The following AP3D1 variants were observed in gnomAD, a reference collection of about 807,000 sequenced individuals.
The protein encoded by AP3D1 is AP-3 complex subunit delta-1.
Under a neutral mutation model 147.6 loss-of-function variants are expected in AP3D1, and 51 were observed. That is an observed-to-expected ratio of 0.35 (90% CI 0.28 to 0.44). AP3D1 has a LOEUF of 0.44. AP3D1 is among the 20% of genes least tolerant of loss of function. The pLI is 1.00. For synonymous variants in AP3D1, 760 were observed against 663.0 expected (o/e 1.15, Z -2.25); for missense variants, 1,421 against 1,624.2 (o/e 0.87, Z 2.15).
At chr19:2,115,468 C>T (rs369801221) in intron 19 of AP3D1, 50 bp from the exon 20 acceptor site, 49 of 1,607,756 alleles carry the variant, frequency 3.0e-5, no homozygotes, top group African/African-American at 1.9e-4. Context: ...CAGGGGCTCA[C>T]GGGGAGGGCG....
chr19:2,164,015 C>T (rs1474412200), intron 1 of AP3D1: 8 of 254,742 alleles, frequency 3.1e-5, no homozygotes, highest in Admixed American at 6.0e-5. Flanking sequence ...AGTCGGGGGC[C>T]GGGCCGGACC....
chr19:2,114,890 G>A, intron 20 of AP3D1, 69 bp from the exon 21 acceptor site: 1 of 1,514,890 alleles, frequency 6.6e-7, no homozygotes, highest in Non-Finnish European at 9.2e-7. Context: ...CATCTATCTG[G>A]GACGCAGTGG....
chr19:2,142,650 G>A (rs1327150824), intron 1 of AP3D1, among the ~76,000 whole-genome samples: 4 of 152,206 alleles, frequency 2.6e-5, no homozygotes, highest in Admixed American at 6.5e-5. Context: ...GAGGGGAGCC[G>A]GGCCGCTGAG....
intron 4 of AP3D1, among the ~76,000 whole-genome samples, chr19:2,136,181 T>A (rs1387829510): frequency 6.6e-6 from 1 of 152,214 alleles, no homozygotes; most frequent in Non-Finnish European, 1.5e-5. Flanking sequence ...CTCTATAACC[T>A]TGCCCACAAC....
chr19:2,123,061 G>C (rs1441319955), intron 11 of AP3D1, among the ~76,000 whole-genome samples: 1 of 152,240 alleles, frequency 6.6e-6, no homozygotes, highest in African/African-American at 2.4e-5. Context: ...TCAGTGAGTG[G>C]CATCTGTCCA....
intron 31 of AP3D1, among the ~76,000 whole-genome samples, chr19:2,104,652 ACTCT>A (rs1326481390): frequency 2.1e-5 from 3 of 145,876 alleles, no homozygotes; most frequent in African/African-American, 7.7e-5. Context: ...GGACACTAGG[ACTCT>A]CTGACACAAG....
At chr19:2,114,900 G>A (rs1288295078) in intron 20 of AP3D1, 79 bp from the exon 21 acceptor site, 12 of 1,492,846 alleles carry the variant, frequency 8.0e-6, no homozygotes, top group Admixed American at 1.7e-5. Context: ...GGACGCAGTG[G>A]GACTGCCCAT....
chr19:2,146,472 C>T (rs1301493975), intron 1 of AP3D1, among the ~76,000 whole-genome samples: 3 of 151,966 alleles, frequency 2.0e-5, no homozygotes, highest in Middle Eastern at 3.2e-3. Context: ...GGTGTGATGG[C>T]GGCCACCTGT....
chr19:2,110,662 G>T, intron 27 of AP3D1, 45 bp downstream of exon 27: 1 of 1,506,826 alleles, frequency 6.6e-7, no homozygotes, highest in African/African-American at 1.4e-5. Context: ...CTGCCACTGC[G>T]CTCCCACAGT....
At position 2,101,917 on chromosome 19, in the gene AP3D1, G is replaced by C. The variant is rs111620579; in HGVS notation, c.*256C>G. The stretch of plus-strand genomic sequence containing the variant: ...CGCGGGGCAGGGCACAGACCCAGGT[G>C]GGGGAGTCCCTTGCTGGTTTGGGGG... On this transcript the variant is annotated 3_prime_UTR_variant, in exon 32 of 32. Transcript: ENST00000643116. 2.0e-6 allele frequency: 1 copy of C among 488,682 alleles called. No homozygotes were observed. Among genetic ancestry groups the C allele is most frequent in the African/African-American group, 2.0e-5 (1 of 50,276 alleles). The allele number at this position is 488,682 out of a possible 1,614,324, so 30.3% of individuals were successfully genotyped here. A position where few individuals can be genotyped will look rare whatever the true frequency, so the allele number is the denominator to read the frequency against.
intron 1 of AP3D1, among the ~76,000 whole-genome samples, chr19:2,142,691 C>T (rs941575990): frequency 3.3e-5 from 5 of 152,104 alleles, no homozygotes; most frequent in African/African-American, 1.2e-4. Flanking sequence ...TGGGAGCTCA[C>T]CCAGCTCATG....
intron 30 of AP3D1, 87 bp from the exon 31 acceptor site, chr19:2,108,853 C>T (rs1442371876): frequency 1.4e-6 from 2 of 1,440,754 alleles, no homozygotes; most frequent in African/African-American, 1.4e-5. Context: ...TCTTGGGCTG[C>T]CCTTGGCCAC....
At chr19:2,146,382 T>C (rs2019356312) in intron 1 of AP3D1, among the ~76,000 whole-genome samples, 1 of 151,928 alleles carries the variant, frequency 6.6e-6, no homozygotes, top group South Asian at 2.1e-4. Context: ...GGTGGGTGGG[T>C]TACTTGAGGT....
At chr19:2,136,965 G>A (rs1205092641) in intron 4 of AP3D1, 46 bp downstream of exon 4, 4 of 1,519,674 alleles carry the variant, frequency 2.6e-6, no homozygotes, top group Admixed American at 3.9e-5. Context: ...TCCGGCAAGG[G>A]CAGACTGCAC....
intron 9 of AP3D1, 99 bp from the exon 10 acceptor site, chr19:2,123,978 G>C (rs1028690449): frequency 1.5e-6 from 2 of 1,305,500 alleles, no homozygotes; most frequent in Non-Finnish European, 2.2e-6. Context: ...GCCGGGAGGA[G>C]GGATGGGAGG....
At chr19:2,150,924 CA>C (rs926516457) in intron 1 of AP3D1, among the ~76,000 whole-genome samples, 2 of 152,208 alleles carry the variant, frequency 1.3e-5, no homozygotes, top group African/African-American at 4.8e-5. Context: ...ACTGAGGGTC[CA>C]GGGGGAGGGC....
chr19:2,115,708 A>C (rs936737534), intron 18 of AP3D1, 95 bp from the exon 19 acceptor site: 42 of 1,319,210 alleles, frequency 3.2e-5, no homozygotes, highest in Non-Finnish European at 4.4e-5. Context: ...CGCAGCCCCA[A>C]CATCCTAAGG....
intron 6 of AP3D1, 25 bp downstream of exon 6, chr19:2,130,381 CCT>C (rs2018904646): frequency 6.2e-7 from 1 of 1,613,332 alleles, no homozygotes; most frequent in Admixed American, 1.7e-5. Context: ...CACCCTCAAC[CCT>C]GAGGCTTAAC....
chr19:2,126,471 T>C (rs1438324145), intron 9 of AP3D1, among the ~76,000 whole-genome samples: 2 of 152,066 alleles, frequency 1.3e-5, no homozygotes, highest in African/African-American at 2.4e-5. Flanking sequence ...CTGATCAATG[T>C]AGTGAAACCC....
Sources: allele counts gnomAD v4.1 joint callset (sites outside exome capture counted in the v4.1 genomes callset), GRCh38; gene constraint gnomAD v4.1.1; transcripts MANE v1.5; gene names NCBI Gene and HGNC (gene_info 2026-07-23, HGNC 2026-07-21).